The following USP24 variants were observed in gnomAD, a reference collection of about 807,000 sequenced individuals.
The protein encoded by USP24 is ubiquitin specific peptidase 24.
In USP24, 97 loss-of-function variants were observed where a neutral mutation model predicts 361.6. The ratio of observed to expected loss-of-function variants is 0.27; its 90% CI spans 0.23 to 0.32. The LOEUF (loss-of-function observed/expected upper bound fraction) is 0.32. USP24 is among the 10% of genes least tolerant of loss of function. The probability of loss-of-function intolerance (pLI) is 1.00; values close to 1 mark genes in which losing one functional copy is unlikely to be tolerated. For missense variants in USP24, 2,353 were observed against 3,165.6 expected, an observed-to-expected ratio of 0.74 and a Z score of 6.16; for synonymous variants, 1,098 against 1,124.6, an observed-to-expected ratio of 0.98 and a Z score of 0.47.
chr1:55,160,800 G>A (rs1648196821), intron 8 of USP24, among the ~76,000 whole-genome samples: 1 of 152,128 alleles, frequency 6.6e-6, no homozygotes, highest in African/African-American at 2.4e-5. Flanking sequence ...CAAGGCATGA[G>A]CAAAGAGCAT....
intron 31 of USP24, 85 bp from the exon 32 acceptor site, chr1:55,129,659 G>T: frequency 2.8e-6 from 3 of 1,068,398 alleles, no homozygotes; most frequent in South Asian, 1.4e-5. Flanking sequence ...CAGACAACTT[G>T]AGTTAGAATC....
chr1:55,085,305 A>G (rs1645228422), intron 56 of USP24, among the ~76,000 whole-genome samples: 1 of 152,262 alleles, frequency 6.6e-6, no homozygotes, highest in African/African-American at 2.4e-5. Flanking sequence ...GTTGCACAGC[A>G]AAGCCAACAT....
chr1:55,072,447 C>G (rs1295185540), intron 65 of USP24, 44 bp from the exon 66 acceptor site: 3 of 1,491,054 alleles, frequency 2.0e-6, no homozygotes, highest in African/African-American at 2.8e-5. Context: ...GACAAATAAG[C>G]CCCCATGGGT....
chr1:55,208,547 T>G (rs1336685158), intron 1 of USP24, among the ~76,000 whole-genome samples: 2 of 152,068 alleles, frequency 1.3e-5, no homozygotes, highest in Non-Finnish European at 2.9e-5. Context: ...GAGAATCACT[T>G]GAACCTGGGA....
In USP24 at chr1:55,069,115, AAAGAAAAGGAAG is replaced by A; in HGVS notation, c.7801-20_7801-9del. 1 of 1,613,994 alleles carries A rather than the reference AAAGAAAAGGAAG, an allele frequency of 6.2e-7. No individual in the cohort carries two copies. Among genetic ancestry groups the A allele is most frequent in the South Asian group, 1.1e-5 (1 of 91,088 alleles). On this transcript the variant is annotated splice_polypyrimidine_tract_variant and intron_variant, in intron 67 of 67. Transcript: ENST00000294383. ...CATGGGAGATTCTGAACCCTGCAGA[AAAGAAAAGGAAG>A]TTAAAGTTCATACGGTTAGAGAAAA...
intron 1 of USP24, among the ~76,000 whole-genome samples, chr1:55,197,405 C>T (rs1459348647): frequency 1.3e-5 from 2 of 152,192 alleles, no homozygotes; most frequent in African/African-American, 2.4e-5. Flanking sequence ...GTTCCATTAT[C>T]TGTAACAGTC....
In USP24 at chr1:55,146,980, C is replaced by T; in HGVS notation, c.2199G>A (p.Glu733=). 6.2e-7 allele frequency: 1 copy of T among 1,610,834 alleles called. No homozygotes were observed. Among genetic ancestry groups the T allele is most frequent in the South Asian group, 1.1e-5 (1 of 90,806 alleles). Residue 733 remains glutamate (E), a synonymous_variant, in exon 19 of 68, where the codon GAG becomes GAA. Transcript: ENST00000294383. ...GGCCAGTTACAAGACACTCCCAGATCTCCTTGGCACGATTCCAGCCCAGAT... is the reference window on the plus strand; with the variant it reads ...GGCCAGTTACAAGACACTCCCAGATTTCCTTGGCACGATTCCAGCCCAGAT... The part of the protein sequence containing the change: ...TLYLGWNRAK[E]IWECLVTGQD...
In USP24 at chr1:55,096,613, T is replaced by G; in HGVS notation, c.5946A>C (p.Gly1982=). The G allele has an allele frequency of 1.2e-6, 2 of 1,610,384 alleles. No homozygotes were observed. Among genetic ancestry groups the G allele is most frequent in the Non-Finnish European group, 1.7e-6 (2 of 1,179,016 alleles). Residue 1982 remains glycine, a synonymous_variant, in exon 50 of 68, where the codon GGA becomes GGC. Coordinates refer to ENST00000294383, the MANE Select transcript of USP24 (RefSeq NM_015306.3). Reference sequence around the variant, plus strand: ...CATTAAATTTATACCACTTTCCTTTTCCACACCCTCTAGAACCCAGAGATC... The same window carrying G: ...CATTAAATTTATACCACTTTCCTTTGCCACACCCTCTAGAACCCAGAGATC... The part of the protein sequence containing the change: ...YSFIKDRRGC[G]KGKWYKFNDT...
In USP24 at chr1:55,097,124, G is replaced by T. The variant is rs1360096180; in HGVS notation, c.5764C>A (p.Arg1922Ser). The T allele has an allele frequency of 1.2e-6, 2 of 1,613,920 alleles. No homozygotes were observed. The highest frequency in any genetic ancestry group is 2.2e-5 in the South Asian group (2 of 91,064). The change falls in exon 49 of 68, where the codon CGC becomes AGC. Residue 1922 changes from arginine to serine, a missense_variant. By Grantham distance (110) the Arg-to-Ser change is moderately radical. Transcript: ENST00000294383. ...CCAACTTCAGAAGAAGAATCTTGGC[G>T]AGCCATTCCTGAAACTGTGTAAGGC... The part of the protein sequence containing the change: ...MEPYTVSGMA[R>S]QDSSSEVGEN...
At chr1:55,206,298 A>G (rs1418452903) in intron 1 of USP24, among the ~76,000 whole-genome samples, 2 of 152,220 alleles carry the variant, frequency 1.3e-5, no homozygotes, top group Admixed American at 6.5e-5. Flanking sequence ...GAAATGTTTT[A>G]CTTGGTGTAC....
chr1:55,199,500 T>C (rs1644506573), intron 1 of USP24, among the ~76,000 whole-genome samples: 1 of 152,146 alleles, frequency 6.6e-6, no homozygotes, highest in Non-Finnish European at 1.5e-5. Flanking sequence ...TTCTGTAGAA[T>C]GTCTTTGTCC....
intron 3 of USP24, among the ~76,000 whole-genome samples, chr1:55,172,989 C>T (rs986955649): frequency 5.9e-5 from 9 of 152,104 alleles, no homozygotes; most frequent in Admixed American, 2.6e-4. Flanking sequence ...AATATAAAAG[C>T]ATTTTATAAA....
intron 67 of USP24, 115 bp from the exon 68 acceptor site, chr1:55,069,222 T>G: frequency 1.1e-6 from 1 of 947,990 alleles, no homozygotes; most frequent in Non-Finnish European, 1.7e-6. Flanking sequence ...GCAATGTTTA[T>G]CAAAGGGTAA....
At chr1:55,098,585 A>C in intron 45 of USP24, 27 bp from the exon 46 acceptor site, 1 of 1,516,184 alleles carries the variant, frequency 6.6e-7, no homozygotes, top group Admixed American at 1.7e-5. Flanking sequence ...TTACAGTTTT[A>C]AGTGATGCCT....
At chr1:55,205,707 A>C (rs923158102) in intron 1 of USP24, among the ~76,000 whole-genome samples, 2 of 152,174 alleles carry the variant, frequency 1.3e-5, no homozygotes, top group Non-Finnish European at 2.9e-5. Flanking sequence ...AACTACTCTC[A>C]TTTAAACACA....
chr1:55,072,712 T>A (rs654674), intron 65 of USP24, 74 bp downstream of exon 65: 2 of 1,417,408 alleles, frequency 1.4e-6, no homozygotes, highest in South Asian at 1.3e-5. Context: ...TATTCAGTTC[T>A]AGAGATTTTT....
In USP24 at chr1:55,075,665, ACAC is replaced by A. The variant is rs141765069; in HGVS notation, c.7381-145_7381-143del. 5.4e-5 allele frequency: 32 copies of A among 595,324 alleles called. No individual in the cohort carries two copies. In the African/African-American group the frequency reaches 6.0e-4, roughly 11 times the overall value. 36.9% of individuals were successfully genotyped at this position (595,324 alleles called of 1,614,324 possible). On this transcript the variant is annotated intron_variant, in intron 62 of 67. Transcript: ENST00000294383. ...AACAACAACAACAACAACAACAACA[ACAC>A]CACCACCACCAATACAGGACGGGCA...
chr1:55,120,207 A>G (rs954149349), intron 38 of USP24, among the ~76,000 whole-genome samples: 1 of 152,228 alleles, frequency 6.6e-6, no homozygotes, highest in Non-Finnish European at 1.5e-5. Context: ...AAGGCAAGCT[A>G]GGAGGATACC....
At chr1:55,147,461 G>A (rs1015220554) in intron 18 of USP24, among the ~76,000 whole-genome samples, 188 bp downstream of exon 18, 1 of 151,974 alleles carries the variant, frequency 6.6e-6, no homozygotes. Context: ...ACAAAAAAAA[G>A]ATGTTTATTC....
Sources: gnomAD v4.1 joint callset for allele counts (sites outside exome capture counted in the v4.1 genomes callset) on GRCh38, gnomAD v4.1.1 for gene constraint, MANE v1.5 for transcripts, NCBI Gene and HGNC (gene_info 2026-07-23, HGNC 2026-07-21) for gene names.